Variants in PIP5K1B observed in about 807,000 individuals in gnomAD.
The protein encoded by PIP5K1B is phosphatidylinositol 4-phosphate 5-kinase type-1 beta.
A neutral mutation model predicts 67.0 loss-of-function variants in PIP5K1B; 42 were observed. That is an observed-to-expected ratio of 0.63 (90% CI 0.49 to 0.81). The LOEUF is 0.81. Among genes scored for constraint, PIP5K1B ranks in the 30% least tolerant of loss-of-function variants. PIP5K1B has a pLI of 0.00. For synonymous variants in PIP5K1B, 214 were observed against 231.4 expected (o/e 0.92, Z 0.68); for missense variants, 459 against 646.3 (o/e 0.71, Z 3.14).
intron 8 of PIP5K1B, among the ~76,000 whole-genome samples, chr9:68,911,660 G>A (rs1825859054): frequency 6.6e-6 from 1 of 152,148 alleles, no homozygotes; most frequent in African/African-American, 2.4e-5. Flanking sequence ...GGAGGCCGAG[G>A]TGGTTGGATC....
At chr9:68,819,549 G>A (rs10746942) in intron 3 of PIP5K1B, among the ~76,000 whole-genome samples, 96,556 of 152,068 alleles carry the variant, frequency 0.63, 30,856 homozygotes, top group Admixed American at 0.73. Flanking sequence ...CTGTGATTAC[G>A]GGTGTGAGCC....
chr9:68,914,176 A>ATT (rs983491515), intron 8 of PIP5K1B, among the ~76,000 whole-genome samples: 3 of 152,106 alleles, frequency 2.0e-5, no homozygotes, highest in African/African-American at 7.3e-5. Flanking sequence ...TAAAAAAAGC[A>ATT]TTTTTTTAAA....
At chr9:68,805,711 G>C (rs1481842445) in intron 2 of PIP5K1B, among the ~76,000 whole-genome samples, 1 of 152,182 alleles carries the variant, frequency 6.6e-6, no homozygotes, top group East Asian at 1.9e-4. Flanking sequence ...AGAGGGGGTA[G>C]TGACAAGTGG....
rs114629071 is a variant in PIP5K1B at position 68,797,786 on chromosome 9, C to T, written c.-85-20675C>T. ...TTTGTGCTGTTAGTAATTAATACTCCAAAATGTGATAAAGATCACTGTGCC... is the reference window on the plus strand; with the variant it reads ...TTTGTGCTGTTAGTAATTAATACTCTAAAATGTGATAAAGATCACTGTGCC... On this transcript the variant is annotated intron_variant, in intron 2 of 15. Coordinates refer to ENST00000265382, the MANE Select transcript of PIP5K1B (RefSeq NM_003558.4). Among the ~76,000 whole-genome samples the T allele has an allele frequency of 5.1e-3, 777 of 152,110 alleles. 7 individuals carry two copies. The highest frequency in any genetic ancestry group is 0.017 in the African/African-American group (705 of 41,470).
At chr9:68,782,365 C>G (rs1224867703) in intron 2 of PIP5K1B, 2 of 167,006 alleles carry the variant, frequency 1.2e-5, no homozygotes, top group Admixed American at 6.5e-5. Flanking sequence ...GTCGAATGTT[C>G]TTTTCTTTAC....
chr9:68,982,916 A>G (rs544088466), intron 14 of PIP5K1B, among the ~76,000 whole-genome samples: 132 of 152,254 alleles, frequency 8.7e-4, no homozygotes, highest in Admixed American at 2.9e-3. Context: ...TTAAGCCACA[A>G]TGGACATGCA....
intron 1 of PIP5K1B, among the ~76,000 whole-genome samples, chr9:68,736,043 G>A (rs1256513867): frequency 6.6e-6 from 1 of 152,196 alleles, no homozygotes; most frequent in African/African-American, 2.4e-5. Flanking sequence ...TTGGGCAGGT[G>A]GTGTCTGGGA....
chr9:68,897,900 A>G (rs1011903941), intron 8 of PIP5K1B, among the ~76,000 whole-genome samples: 6 of 151,972 alleles, frequency 3.9e-5, no homozygotes, highest in Non-Finnish European at 8.8e-5. Context: ...AGCTTGACCT[A>G]GCTTATTCCC....
At chr9:68,823,762 C>T (rs1251304669) in intron 4 of PIP5K1B, among the ~76,000 whole-genome samples, 5 of 152,098 alleles carry the variant, frequency 3.3e-5, no homozygotes, top group Non-Finnish European at 5.9e-5. Flanking sequence ...TTAATTTTTC[C>T]TTTTATACTT....
chr9:68,761,018 A>G (rs1043628202), intron 2 of PIP5K1B, among the ~76,000 whole-genome samples: 1 of 152,108 alleles, frequency 6.6e-6, no homozygotes, highest in Non-Finnish European at 1.5e-5. Context: ...TACTAGTAGC[A>G]TAAGGAATTG....
chr9:68,714,444 C>A (rs1827539215), intron 1 of PIP5K1B, among the ~76,000 whole-genome samples: 1 of 152,300 alleles, frequency 6.6e-6, no homozygotes, highest in African/African-American at 2.4e-5. Flanking sequence ...TATCCTAGCC[C>A]AACTTCTTGT....
chr9:68,981,810 T>C (rs2132892804), intron 14 of PIP5K1B, among the ~76,000 whole-genome samples: 1 of 151,596 alleles, frequency 6.6e-6, no homozygotes, highest in Admixed American at 6.6e-5. Flanking sequence ...TTTTTTTTTT[T>C]CTGTAAATGA....
chr9:68,775,398 G>T (rs1039269981), intron 2 of PIP5K1B, among the ~76,000 whole-genome samples: 12 of 151,966 alleles, frequency 7.9e-5, no homozygotes, highest in Non-Finnish European at 1.6e-4. Flanking sequence ...TATTACAATT[G>T]TCAGCATCAC....
At chr9:68,894,167 A>T (rs1462695514) in intron 7 of PIP5K1B, among the ~76,000 whole-genome samples, 172 bp from the exon 8 acceptor site, 2 of 152,194 alleles carry the variant, frequency 1.3e-5, no homozygotes, top group African/African-American at 2.4e-5. Flanking sequence ...GCTGTCCAGT[A>T]AGCAGACTTA....
At chr9:68,828,544 C>T (rs1483793091) in intron 4 of PIP5K1B, among the ~76,000 whole-genome samples, 1 of 152,192 alleles carries the variant, frequency 6.6e-6, no homozygotes, top group Admixed American at 6.5e-5. Flanking sequence ...TGGAGGCAGG[C>T]AGCGGTGAGG....
At chr9:68,957,981 T>A (rs527358210) in intron 14 of PIP5K1B, among the ~76,000 whole-genome samples, 2 of 152,168 alleles carry the variant, frequency 1.3e-5, no homozygotes, top group Non-Finnish European at 2.9e-5. Flanking sequence ...CAAGCGATTC[T>A]CCCACCTCAG....
intron 1 of PIP5K1B, among the ~76,000 whole-genome samples, chr9:68,726,976 AGTT>A (rs552005511): frequency 1.1e-4 from 16 of 151,780 alleles, no homozygotes; most frequent in African/African-American, 2.2e-4. Context: ...ATTCTAGTAA[AGTT>A]GTTGTTTTTT....
At chr9:68,960,405 T>C (rs1259190988) in intron 14 of PIP5K1B, among the ~76,000 whole-genome samples, 3 of 152,232 alleles carry the variant, frequency 2.0e-5, no homozygotes, top group African/African-American at 7.2e-5. Context: ...CATACTCAAG[T>C]CTTTCAGGTC....
intron 2 of PIP5K1B, among the ~76,000 whole-genome samples, chr9:68,761,220 C>T (rs1156414033): frequency 1.3e-5 from 2 of 152,060 alleles, no homozygotes; most frequent in Non-Finnish European, 2.9e-5. Context: ...TGGAATGAAT[C>T]TTGCATGCAC....
Sources: gnomAD v4.1 joint callset for allele counts (sites outside exome capture counted in the v4.1 genomes callset) on GRCh38, gnomAD v4.1.1 for gene constraint, MANE v1.5 for transcripts, NCBI Gene and HGNC (gene_info 2026-07-23, HGNC 2026-07-21) for gene names.